The following SLC27A2 variants were observed in gnomAD, a reference collection of about 807,000 sequenced individuals.
SLC27A2 encodes the protein long-chain fatty acid transport protein 2.
In SLC27A2, 54 loss-of-function variants were observed where a neutral mutation model predicts 60.0. The observed-to-expected ratio is 0.90, with a 90% confidence interval of 0.72 to 1.13. The LOEUF (loss-of-function observed/expected upper bound fraction) is 1.13. Among genes scored for constraint, SLC27A2 ranks in the 50% most tolerant of loss-of-function variants. SLC27A2 has a pLI of 0.00. For missense variants in SLC27A2, 739 were observed against 777.6 expected (o/e 0.95, Z 0.59); for synonymous variants, 297 against 297.6 (o/e 1.00, Z 0.02).
At chr15:50,185,366 T>A (rs1021829191) in intron 1 of SLC27A2, among the ~76,000 whole-genome samples, 1 of 152,046 alleles carries the variant, frequency 6.6e-6, no homozygotes, top group Non-Finnish European at 1.5e-5. Flanking sequence ...TGAAAAAAAA[T>A]CAGTTTTTCC....
intron 1 of SLC27A2, among the ~76,000 whole-genome samples, chr15:50,187,784 T>C (rs1200095891): frequency 1.3e-5 from 2 of 152,152 alleles, no homozygotes; most frequent in Non-Finnish European, 1.5e-5. Context: ...GGAAAAATGC[T>C]TACAATAGCT....
At chr15:50,186,357 G>T (rs1195054515) in intron 1 of SLC27A2, among the ~76,000 whole-genome samples, 1 of 152,214 alleles carries the variant, frequency 6.6e-6, no homozygotes, top group African/African-American at 2.4e-5. Flanking sequence ...AACCCTAGGT[G>T]ATTTTGAAAC....
At chr15:50,226,213 C>T (rs2045277718) in intron 6 of SLC27A2, 135 bp downstream of exon 6, 1 of 571,076 alleles carries the variant, frequency 1.8e-6, no homozygotes, top group South Asian at 2.7e-5. Context: ...AAGTACCCTC[C>T]AATATACAGG....
At chr15:50,198,890 C>A (rs1309512478) in intron 2 of SLC27A2, among the ~76,000 whole-genome samples, 1 of 152,148 alleles carries the variant, frequency 6.6e-6, no homozygotes, top group Admixed American at 6.5e-5. Context: ...TCAGCACCCA[C>A]CTGAGCTCAC....
chr15:50,199,390 CAT>C (rs1595683224), intron 2 of SLC27A2, among the ~76,000 whole-genome samples: 2 of 150,126 alleles, frequency 1.3e-5, no homozygotes, highest in East Asian at 4.0e-4. Flanking sequence ...AGGAGAATGG[CAT>C]GCATGAACCA....
At chr15:50,222,779 A>G (rs1288580259) in intron 4 of SLC27A2, among the ~76,000 whole-genome samples, 186 bp from the exon 5 acceptor site, 1 of 152,246 alleles carries the variant, frequency 6.6e-6, no homozygotes, top group Non-Finnish European at 1.5e-5. Flanking sequence ...CTAGAGGAAT[A>G]GGGAACGATG....
At chr15:50,217,463 C>A (rs992042338) in intron 4 of SLC27A2, among the ~76,000 whole-genome samples, 2 of 152,046 alleles carry the variant, frequency 1.3e-5, no homozygotes, top group African/African-American at 4.8e-5. Flanking sequence ...AGCTCCTTTC[C>A]CCTGCACAGA....
At chr15:50,227,966 G>A (rs140769264) in intron 7 of SLC27A2, among the ~76,000 whole-genome samples, 135 of 152,320 alleles carry the variant, frequency 8.9e-4, no homozygotes, top group African/African-American at 3.0e-3. Context: ...TTTTGCCCTT[G>A]AGATGTGGGT....
intron 4 of SLC27A2, among the ~76,000 whole-genome samples, chr15:50,222,378 C>G (rs6493418): frequency 0.033 from 4,968 of 152,276 alleles, 97 homozygotes; most frequent in African/African-American, 0.043. Flanking sequence ...CCCACAGGAT[C>G]CAACTGTTGC....
At chr15:50,213,864 G>A (rs572995656) in intron 4 of SLC27A2, among the ~76,000 whole-genome samples, 2 of 152,080 alleles carry the variant, frequency 1.3e-5, no homozygotes, top group South Asian at 4.2e-4. Flanking sequence ...AACACTGAAA[G>A]AGCACAAACA....
intron 8 of SLC27A2, among the ~76,000 whole-genome samples, chr15:50,231,914 G>T (rs1478769544): frequency 6.6e-6 from 1 of 152,202 alleles, no homozygotes; most frequent in East Asian, 1.9e-4. Flanking sequence ...TGTCTCCCAG[G>T]ATAGGAAATG....
chr15:50,222,432 C>G (rs979755062), intron 4 of SLC27A2, among the ~76,000 whole-genome samples: 1 of 152,122 alleles, frequency 6.6e-6, no homozygotes, highest in Non-Finnish European at 1.5e-5. Flanking sequence ...CTCTCTCTGT[C>G]GCTCACTGGA....
At chr15:50,223,537 AG>A (rs1451746921) in intron 5 of SLC27A2, among the ~76,000 whole-genome samples, 3 of 147,292 alleles carry the variant, frequency 2.0e-5, no homozygotes, top group Non-Finnish European at 3.0e-5. Context: ...TCACCTGGGG[AG>A]TTTTTTTTAT....
intron 2 of SLC27A2, among the ~76,000 whole-genome samples, chr15:50,201,830 C>T (rs1012624948): frequency 2.0e-5 from 3 of 152,166 alleles, no homozygotes; most frequent in African/African-American, 7.2e-5. Flanking sequence ...GTTAGGATTA[C>T]AGGCGTGAGC....
chr15:50,200,797 G>A (rs2045057780), intron 2 of SLC27A2, among the ~76,000 whole-genome samples: 1 of 152,138 alleles, frequency 6.6e-6, no homozygotes, highest in African/African-American at 2.4e-5. Flanking sequence ...AAGTGCAAGC[G>A]CATTTAGTCT....
intron 4 of SLC27A2, among the ~76,000 whole-genome samples, chr15:50,206,610 C>G (rs977904858): frequency 6.6e-5 from 10 of 152,118 alleles, no homozygotes; most frequent in African/African-American, 2.2e-4. Flanking sequence ...TCCAGCTTGT[C>G]ACTGCATTTC....
At chr15:50,202,692 T>C in intron 3 of SLC27A2, 47 bp downstream of exon 3, 1 of 1,593,818 alleles carries the variant, frequency 6.3e-7, no homozygotes. Flanking sequence ...CATTTACATT[T>C]TCCCAGAAGG....
chr15:50,225,704 A>G (rs1307264154), intron 5 of SLC27A2, among the ~76,000 whole-genome samples: 1 of 152,220 alleles, frequency 6.6e-6, no homozygotes, highest in Non-Finnish European at 1.5e-5. Flanking sequence ...TTAGTGAAAG[A>G]AGCAGACACA....
In SLC27A2 at chr15:50,192,719, TTG is replaced by T. The variant is rs372441854; in HGVS notation, c.479-4773_479-4772del. Among the ~76,000 whole-genome samples, 44 of 151,290 alleles carry T rather than the reference TTG, an allele frequency of 2.9e-4. No homozygotes were observed. The East Asian group carries it at 6.0e-3, about 21-fold the overall frequency. On this transcript the variant is annotated intron_variant, in intron 1 of 9. Transcript: ENST00000267842. Reference sequence around the variant, plus strand: ...GCCACCACATCCGGCTAATATTTCTTTGTGTGTGTATTTTTTTGTAGAGGTGT... The same window carrying T: ...GCCACCACATCCGGCTAATATTTCTTTGTGTGTATTTTTTTGTAGAGGTGT...
Sources: gnomAD v4.1 joint callset for allele counts (sites outside exome capture counted in the v4.1 genomes callset) on GRCh38, gnomAD v4.1.1 for gene constraint, MANE v1.5 for transcripts, NCBI Gene and HGNC (gene_info 2026-07-23, HGNC 2026-07-21) for gene names.